The following KCND2 variants were observed in gnomAD, a reference collection of about 807,000 sequenced individuals.
KCND2 encodes potassium voltage-gated channel subfamily D member 2.
In KCND2, 16 loss-of-function variants were observed where a neutral mutation model predicts 54.4. The ratio of observed to expected loss-of-function variants is 0.29; its 90% CI spans 0.20 to 0.45. The LOEUF is 0.45. Among genes scored for constraint, KCND2 ranks in the 20% least tolerant of loss-of-function variants. KCND2 has a pLI of 1.00. For missense variants in KCND2, 486 were observed against 824.2 expected (o/e 0.59, Z 5.02); for synonymous variants, 317 against 310.7 (o/e 1.02, Z -0.21).
Position 120,665,210 on chromosome 7 carries a change from C to T in KCND2, c.1116-67693C>T, listed in dbSNP as rs773856063. Among the ~76,000 whole-genome samples the T allele has an allele frequency of 1.1e-3, 160 of 151,932 alleles. 4 individuals carry two copies. Among genetic ancestry groups the T allele is most frequent in the Non-Finnish European group, 9.0e-4 (61 of 67,918 alleles). ...GAAGTAAATAACTGTTGTGTATCAT[C>T]GTAATAAAACCATTGAATAATTGCT... On this transcript the variant is annotated intron_variant, in intron 1 of 5. Transcript: ENST00000331113.
chr7:120,636,250 G>A (rs190892276), intron 1 of KCND2, among the ~76,000 whole-genome samples: 23 of 152,146 alleles, frequency 1.5e-4, no homozygotes, highest in Non-Finnish European at 2.9e-4. Context: ...GTGGGTATCA[G>A]GGCAAAATTC....
chr7:120,305,128 A>T (rs1447786772), intron 1 of KCND2, among the ~76,000 whole-genome samples: 1 of 152,186 alleles, frequency 6.6e-6, no homozygotes, highest in Non-Finnish European at 1.5e-5. Context: ...ATAATTAGTT[A>T]TATCAGCCTT....
chr7:120,706,817 A>C (rs1792474716), intron 1 of KCND2, among the ~76,000 whole-genome samples: 1 of 152,156 alleles, frequency 6.6e-6, no homozygotes, highest in Admixed American at 6.6e-5. Context: ...CTACATTTTC[A>C]GGCTGTATAC....
intron 1 of KCND2, among the ~76,000 whole-genome samples, chr7:120,428,928 A>T (rs1380239274): frequency 6.6e-6 from 1 of 152,104 alleles, no homozygotes; most frequent in Non-Finnish European, 1.5e-5. Context: ...GCTCTTTGCT[A>T]CTCCTGATTT....
intron 1 of KCND2, among the ~76,000 whole-genome samples, chr7:120,717,403 A>G (rs1444328052): frequency 6.6e-6 from 1 of 152,132 alleles, no homozygotes; most frequent in Admixed American, 6.6e-5. Context: ...TTAGAAGTGC[A>G]CGTTCCTTAA....
At chr7:120,484,933 G>T (rs1802672109) in intron 1 of KCND2, among the ~76,000 whole-genome samples, 1 of 152,072 alleles carries the variant, frequency 6.6e-6, no homozygotes. Flanking sequence ...AGGTTGGAGT[G>T]CAGTGGAACC....
At chr7:120,309,168 C>A (rs1286591716) in intron 1 of KCND2, among the ~76,000 whole-genome samples, 1 of 151,948 alleles carries the variant, frequency 6.6e-6, no homozygotes, top group Admixed American at 6.6e-5. Context: ...ACTTAAAGGT[C>A]GTTATAGGGA....
chr7:120,579,601 A>AAAATAAATAAATAAAT (rs369944416), intron 1 of KCND2, among the ~76,000 whole-genome samples: 3 of 140,328 alleles, frequency 2.1e-5, no homozygotes, highest in Admixed American at 7.3e-5. Context: ...ACTCTGTCTA[A>AAAATAAATAAATAAAT]AAATAAATAA....
intron 1 of KCND2, among the ~76,000 whole-genome samples, chr7:120,430,110 A>G (rs1413166307): frequency 6.6e-6 from 1 of 152,198 alleles, no homozygotes; most frequent in Non-Finnish European, 1.5e-5. Flanking sequence ...GGAGGGTTAA[A>G]CAACAGAAAT....
At chr7:120,632,200 G>T (rs1192218016) in intron 1 of KCND2, among the ~76,000 whole-genome samples, 3 of 152,164 alleles carry the variant, frequency 2.0e-5, no homozygotes, top group Admixed American at 6.5e-5. Context: ...TTTAAAAAAA[G>T]ATGGTACAGA....
chr7:120,341,222 A>G (rs1414743350), intron 1 of KCND2, among the ~76,000 whole-genome samples: 3 of 152,120 alleles, frequency 2.0e-5, no homozygotes, highest in Non-Finnish European at 2.9e-5. Context: ...GTTCAGAAGA[A>G]AGGAAAAACT....
intron 1 of KCND2, among the ~76,000 whole-genome samples, chr7:120,543,006 A>G (rs1415418956): frequency 6.6e-6 from 1 of 152,084 alleles, no homozygotes; most frequent in African/African-American, 2.4e-5. Context: ...ACACACTCCT[A>G]CATATGCACA....
At chr7:120,477,218 G>A (rs891165738) in intron 1 of KCND2, among the ~76,000 whole-genome samples, 1 of 152,166 alleles carries the variant, frequency 6.6e-6, no homozygotes, top group Non-Finnish European at 1.5e-5. Context: ...TTCAAATGAA[G>A]CACTACCATT....
In KCND2 at chr7:120,667,647, A is replaced by G. The variant is rs569258613; in HGVS notation, c.1116-65256A>G. Among the ~76,000 whole-genome samples, 3 of 152,086 alleles carry G rather than the reference A, an allele frequency of 2.0e-5. No homozygotes were observed. The South Asian group carries it at 6.2e-4, about 32-fold the overall frequency. Reference sequence around the variant, plus strand: ...AGAAATACTGTCAAGCAAGAGACATACCCTCATGGTTTTCTTTTTAGCTTA... The same window carrying G: ...AGAAATACTGTCAAGCAAGAGACATGCCCTCATGGTTTTCTTTTTAGCTTA... On this transcript the variant is annotated intron_variant, in intron 1 of 5. Transcript: ENST00000331113.
At chr7:120,616,893 G>C (rs557624146) in intron 1 of KCND2, among the ~76,000 whole-genome samples, 4 of 152,092 alleles carry the variant, frequency 2.6e-5, no homozygotes, top group African/African-American at 9.7e-5. Flanking sequence ...TCTGCCCTCT[G>C]TGTTCTCAGT....
chr7:120,324,908 G>A (rs1440881513), intron 1 of KCND2, among the ~76,000 whole-genome samples: 45 of 135,692 alleles, frequency 3.3e-4, no homozygotes, highest in South Asian at 1.1e-3. Context: ...CCATTTTCAC[G>A]ATATTGATTC....
At chr7:120,498,458 G>A (rs1455678735) in intron 1 of KCND2, among the ~76,000 whole-genome samples, 3 of 149,800 alleles carry the variant, frequency 2.0e-5, no homozygotes, top group South Asian at 4.3e-4. Flanking sequence ...CCAGCCTGGC[G>A]ACAGAGCAAG....
intron 1 of KCND2, among the ~76,000 whole-genome samples, chr7:120,343,442 G>T (rs1296513523): frequency 1.3e-5 from 2 of 152,140 alleles, no homozygotes; most frequent in African/African-American, 2.4e-5. Flanking sequence ...GACCTTAAAC[G>T]ACACATCAAT....
intron 1 of KCND2, among the ~76,000 whole-genome samples, chr7:120,290,872 G>A (rs1408060091): frequency 6.6e-6 from 1 of 151,928 alleles, no homozygotes; most frequent in East Asian, 1.9e-4. Context: ...GCTGTTATCC[G>A]TAGGTTGGGG....
Sources: allele counts gnomAD v4.1 joint callset (sites outside exome capture counted in the v4.1 genomes callset), GRCh38; gene constraint gnomAD v4.1.1; transcripts MANE v1.5; gene names NCBI Gene and HGNC (gene_info 2026-07-23, HGNC 2026-07-21).